The following ALMS1 variants were observed in gnomAD, a reference collection of about 807,000 sequenced individuals.
ALMS1 encodes the protein ALMS1 centrosome and basal body associated protein, also known as centrosome-associated protein ALMS1.
In ALMS1, 271 loss-of-function variants were observed where a neutral mutation model predicts 352.2. That is an observed-to-expected ratio of 0.77 (90% confidence interval 0.70 to 0.85). ALMS1 has a LOEUF of 0.85. Ranked by LOEUF, ALMS1 falls within the 40% of genes least tolerant of loss-of-function variation. ALMS1 has a pLI of 0.00. For synonymous variants in ALMS1, 1,865 were observed against 1,761.2 expected, an observed-to-expected ratio of 1.06 and a Z score of -1.48; for missense variants, 5,445 against 4,870.7, an observed-to-expected ratio of 1.12 and a Z score of -3.51.
At chr2:73,447,724 C>A (rs778788860) in intron 7 of ALMS1, among the ~76,000 whole-genome samples, 3 of 152,168 alleles carry the variant, frequency 2.0e-5, no homozygotes, top group Admixed American at 6.5e-5. Flanking sequence ...TATAATATTT[C>A]ATCCACTGGA....
intron 1 of ALMS1, among the ~76,000 whole-genome samples, chr2:73,408,148 GC>G (rs1242682860): frequency 6.6e-6 from 1 of 152,096 alleles, no homozygotes; most frequent in African/African-American, 2.4e-5. Flanking sequence ...TTGTTTTATT[GC>G]CTGTAATCTG....
chr2:73,535,005 G>T (rs922867792), intron 12 of ALMS1, 56 bp downstream of exon 12: 10 of 1,605,280 alleles, frequency 6.2e-6, no homozygotes, highest in African/African-American at 1.3e-5. Context: ...TTGTGTATTG[G>T]CTAGTTGATT....
At chr2:73,589,108 A>G (rs1465984795) in intron 16 of ALMS1, among the ~76,000 whole-genome samples, 1 of 152,036 alleles carries the variant, frequency 6.6e-6, no homozygotes, top group African/African-American at 2.4e-5. Context: ...ATGAATTATG[A>G]TTTTTTCTTT....
At chr2:73,430,644 A>G (rs1285322611) in intron 6 of ALMS1, among the ~76,000 whole-genome samples, 1 of 152,088 alleles carries the variant, frequency 6.6e-6, no homozygotes, top group Non-Finnish European at 1.5e-5. Flanking sequence ...TACCTTTCCT[A>G]TGTTTAGATA....
At chr2:73,550,772 C>T (rs918775215) in intron 13 of ALMS1, among the ~76,000 whole-genome samples, 1 of 152,034 alleles carries the variant, frequency 6.6e-6, no homozygotes, top group African/African-American at 2.4e-5. Context: ...TAGTTTATCT[C>T]TGTCAGATAT....
At chr2:73,397,125 G>A (rs1326787673) in intron 1 of ALMS1, among the ~76,000 whole-genome samples, 1 of 152,154 alleles carries the variant, frequency 6.6e-6, no homozygotes, top group Non-Finnish European at 1.5e-5. Context: ...GAAGCATGGA[G>A]GCCCTTCATA....
intron 1 of ALMS1, among the ~76,000 whole-genome samples, chr2:73,404,899 CTTT>C (rs58122480): frequency 6.6e-5 from 4 of 60,776 alleles, no homozygotes; most frequent in African/African-American, 4.3e-4. Flanking sequence ...TGTCCTGGAC[CTTT>C]TTTTTTTTTT....
Position 73,609,754 on chromosome 2 carries a change from G to C in ALMS1, c.*142G>C. On this transcript the variant is annotated 3_prime_UTR_variant, in exon 23 of 23. Coordinates refer to ENST00000613296, the MANE Select transcript of ALMS1 (RefSeq NM_001378454.1). Reference sequence around the variant, plus strand: ...GAAATAGTAACTTCTAAAGAGTCTGGAACAAAGTGGTGATTAAAATTCCTA... The same window carrying C: ...GAAATAGTAACTTCTAAAGAGTCTGCAACAAAGTGGTGATTAAAATTCCTA... 1.2e-6 allele frequency: 1 copy of C among 826,788 alleles called. No homozygotes were observed. Among genetic ancestry groups the C allele is most frequent in the South Asian group, 1.5e-5 (1 of 65,634 alleles). 51.2% of individuals were successfully genotyped at this position (826,788 alleles called of 1,614,324 possible).
At chr2:73,536,734 A>G (rs879421079) in intron 12 of ALMS1, among the ~76,000 whole-genome samples, 1 of 152,212 alleles carries the variant, frequency 6.6e-6, no homozygotes, top group Non-Finnish European at 1.5e-5. Flanking sequence ...GAATCAGTAA[A>G]TAATAGAACT....
At chr2:73,455,339 T>C (rs1314673100) in intron 9 of ALMS1, 44 bp downstream of exon 9, 3 of 1,609,614 alleles carry the variant, frequency 1.9e-6, no homozygotes, top group Non-Finnish European at 2.5e-6. Context: ...TATGAAAGAA[T>C]GGGTGATGGA....
At chr2:73,560,639 C>T (rs554042535) in intron 15 of ALMS1, among the ~76,000 whole-genome samples, 1 of 152,286 alleles carries the variant, frequency 6.6e-6, no homozygotes, top group East Asian at 1.9e-4. Context: ...GAGGTGGAAG[C>T]AACCCACATG....
chr2:73,591,068 C>G (rs2104162612), intron 16 of ALMS1, among the ~76,000 whole-genome samples: 1 of 152,218 alleles, frequency 6.6e-6, no homozygotes, highest in Non-Finnish European at 1.5e-5. Flanking sequence ...CCTAAGCCTT[C>G]TGAGTAGCTG....
At position 73,440,862 on chromosome 2, in the gene ALMS1, C is replaced by G. The variant is rs1671705977; in HGVS notation, c.1433-7098C>G. Among the ~76,000 whole-genome samples, 8 of 152,280 alleles carry G rather than the reference C, an allele frequency of 5.3e-5. 1 individual carries two copies. In the South Asian group the frequency reaches 1.5e-3, roughly 28 times the overall value. ...TAATCTTCTGTTTAGCAGGCAGTTG[C>G]TCTATTTAGGTTTTCCATATAGGCT... On this transcript the variant is annotated intron_variant, in intron 7 of 22. Coordinates refer to ENST00000613296, the MANE Select transcript of ALMS1 (RefSeq NM_001378454.1).
chr2:73,449,172 A>G lies in ALMS1; in HGVS notation c.2645A>G (p.Glu882Gly), dbSNP rs1671873563. The G allele has an allele frequency of 6.2e-7, 1 of 1,614,144 alleles. No homozygotes were observed. Among genetic ancestry groups the G allele is most frequent in the African/African-American group, 1.3e-5 (1 of 75,042 alleles). The change falls in exon 8 of 23, where the codon GAA (glutamate) becomes GGA (glycine). Residue 882 changes from glutamate (E) to glycine (G), a missense_variant. Physicochemically the swap from Glu to Gly is moderately conservative, Grantham distance 98. Transcript: ENST00000613296. ...ACCTTACCCAATAGTCATCTAACTG[A>G]AGAGGCTCTGAAAGTATCAATTGTT... The part of the protein sequence containing the change: ...QQTLPNSHLT[E>G]EALKVSIVPG...
At chr2:73,461,426 A>G (rs1672198937) in intron 9 of ALMS1, among the ~76,000 whole-genome samples, 1 of 152,230 alleles carries the variant, frequency 6.6e-6, no homozygotes, top group Non-Finnish European at 1.5e-5. Flanking sequence ...TAACAAACAG[A>G]AAGGACATCC....
intron 9 of ALMS1, among the ~76,000 whole-genome samples, chr2:73,462,528 C>T (rs1382201871): frequency 6.6e-6 from 1 of 152,160 alleles, no homozygotes; most frequent in Non-Finnish European, 1.5e-5. Flanking sequence ...ACTGTCAAGG[C>T]CAGGAAGAAA....
chr2:73,589,043 C>G (rs1675367256), intron 16 of ALMS1, among the ~76,000 whole-genome samples: 1 of 151,684 alleles, frequency 6.6e-6, no homozygotes. Flanking sequence ...ATCAGTATCA[C>G]CGGAACAAAA....
chr2:73,481,991 G>A (rs1672717570), intron 9 of ALMS1, among the ~76,000 whole-genome samples: 1 of 152,072 alleles, frequency 6.6e-6, no homozygotes, highest in Non-Finnish European at 1.5e-5. Flanking sequence ...AGACAGTGGG[G>A]TTTTCTAGAT....
At chr2:73,558,563 A>G (rs1247955774) in intron 14 of ALMS1, among the ~76,000 whole-genome samples, 1 of 152,214 alleles carries the variant, frequency 6.6e-6, no homozygotes, top group Non-Finnish European at 1.5e-5. Flanking sequence ...TATAAATTCT[A>G]TAATCAAATG....
Sources: gnomAD v4.1 joint callset for allele counts (sites outside exome capture counted in the v4.1 genomes callset) on GRCh38, gnomAD v4.1.1 for gene constraint, MANE v1.5 for transcripts, NCBI Gene and HGNC (gene_info 2026-07-23, HGNC 2026-07-21) for gene names.